The following BCAT1 variants were observed in gnomAD, a reference collection of about 807,000 sequenced individuals.
The protein encoded by BCAT1 is branched chain amino acid transaminase 1.
In BCAT1, 48 loss-of-function variants were observed where a neutral mutation model predicts 52.4. That is an observed-to-expected ratio of 0.92 (90% CI 0.73 to 1.16). BCAT1 has a LOEUF of 1.16. Among genes scored for constraint, BCAT1 ranks in the 50% most tolerant of loss-of-function variants. The pLI is 0.00. For synonymous variants in BCAT1, 167 were observed against 161.3 expected (o/e 1.04, Z -0.27); for missense variants, 451 against 457.1 (o/e 0.99, Z 0.12).
chr12:24,869,613 G>A (rs866966296), intron 5 of BCAT1, among the ~76,000 whole-genome samples: 17 of 152,116 alleles, frequency 1.1e-4, no homozygotes, highest in Non-Finnish European at 1.6e-4. Context: ...TCAACTCCTA[G>A]GTAAATACCA....
chr12:24,853,600 A>AT (rs112717689), intron 5 of BCAT1, among the ~76,000 whole-genome samples: 55 of 152,208 alleles, frequency 3.6e-4, no homozygotes, highest in African/African-American at 9.6e-4. Flanking sequence ...TCTCACATAA[A>AT]TTTTTTTTAA....
chr12:24,873,279 AGTAGTTTAGAGCCCTCCAGACT>A (rs1449683164), intron 5 of BCAT1, among the ~76,000 whole-genome samples: 1 of 152,250 alleles, frequency 6.6e-6, no homozygotes, highest in Non-Finnish European at 1.5e-5. Flanking sequence ...TGTAATCAGC[AGTAGTTTAGAGCCCTCCAGACT>A]GTAGTTTCTC....
chr12:24,902,006 A>C lies in BCAT1; in HGVS notation c.7-121T>G, dbSNP rs759717379. ...TCTCCAGGACCCAGGCAAACACAAA[A>C]AAGGAGGCTCAGACAACCAAGCACC... On this transcript the variant is annotated intron_variant, in intron 1 of 10. Transcript: ENST00000261192. The C allele has an allele frequency of 5.7e-6, 9 of 1,592,568 alleles. No homozygotes were observed. The Admixed American group carries it at 1.6e-4, about 28-fold the overall frequency.
intron 7 of BCAT1, among the ~76,000 whole-genome samples, chr12:24,838,647 CACCCAGAACTGTA>C (rs1261207581): frequency 6.6e-6 from 1 of 152,152 alleles, no homozygotes; most frequent in Non-Finnish European, 1.5e-5. Flanking sequence ...ACATGTTTAA[CACCCAGAACTGTA>C]ACCACTAGCC....
chr12:24,930,444 C>G (rs1591885084), intron 1 of BCAT1, among the ~76,000 whole-genome samples: 2 of 152,198 alleles, frequency 1.3e-5, no homozygotes, highest in Admixed American at 6.5e-5. Flanking sequence ...ACTGAAGACC[C>G]CTCTCTTGAC....
chr12:24,888,335 C>T (rs1246530259), intron 3 of BCAT1, among the ~76,000 whole-genome samples: 2 of 152,058 alleles, frequency 1.3e-5, no homozygotes, highest in African/African-American at 4.8e-5. Flanking sequence ...CCTGTCTCTA[C>T]TAAAAATACA....
chr12:24,934,619 T>A (rs1041670246), intron 1 of BCAT1, among the ~76,000 whole-genome samples: 1 of 152,192 alleles, frequency 6.6e-6, no homozygotes, highest in Non-Finnish European at 1.5e-5. Flanking sequence ...AGTGGTGCGA[T>A]CTTGGCTCAC....
chr12:24,904,169 G>A (rs577122295), intron 1 of BCAT1: 1 of 152,416 alleles, frequency 6.6e-6, no homozygotes, highest in Non-Finnish European at 1.5e-5. Flanking sequence ...AGCGGCGAGT[G>A]TCCCTGGAAG....
intron 1 of BCAT1, among the ~76,000 whole-genome samples, chr12:24,915,338 A>C (rs1943390755): frequency 6.6e-6 from 1 of 152,248 alleles, no homozygotes; most frequent in African/African-American, 2.4e-5. Context: ...ACAAAAGCAA[A>C]GATCAAGAAA....
chr12:24,901,889 A>T lies in BCAT1; in HGVS notation c.7-4T>A, dbSNP rs1943113960. ...CGGAGCATCCGTTACTGCAATCCTT[A>T]AAGAAGAATTAAACCACCATTAAGT... On this transcript the variant is annotated splice_region_variant and splice_polypyrimidine_tract_variant and intron_variant, in intron 1 of 10. Coordinates refer to ENST00000261192, the MANE Select transcript of BCAT1 (RefSeq NM_005504.7). 6.2e-7 allele frequency: 1 copy of T among 1,613,380 alleles called. No individual in the cohort carries two copies. Among genetic ancestry groups the T allele is most frequent in the South Asian group, 1.1e-5 (1 of 91,038 alleles).
rs145932718 is a variant in BCAT1 at position 24,942,473 on chromosome 12, G to A, written c.6+6454C>T. Among the ~76,000 whole-genome samples, 184 of 151,936 alleles carry A rather than the reference G, an allele frequency of 1.2e-3. 1 individual carries two copies. The highest frequency in any genetic ancestry group is 4.4e-3 in the African/African-American group (182 of 41,394). On this transcript the variant is annotated intron_variant, in intron 1 of 10. Coordinates refer to ENST00000261192, the MANE Select transcript of BCAT1 (RefSeq NM_005504.7). ...GCAGGAGAATTGCTTGAACCCGGGA[G>A]GCAGAGGTTGCAGTGAGCCAAAATC...
At position 24,927,670 on chromosome 12, in the gene BCAT1, AAAG is replaced by A. The variant is rs1222090893; in HGVS notation, c.6+21254_6+21256del. 7.9e-5 allele frequency among the ~76,000 whole-genome samples: 12 copies of A among 152,370 alleles called. No individual in the cohort carries two copies. The South Asian group carries it at 1.9e-3, about 24-fold the overall frequency. On this transcript the variant is annotated intron_variant, in intron 1 of 10. Coordinates refer to ENST00000261192, the MANE Select transcript of BCAT1 (RefSeq NM_005504.7). ...AGAAAGAACTGAAACTGTATTGCACAAAGAAGGAGATACTGATGAGAAGCCACC... is the reference window on the plus strand; with the variant it reads ...AGAAAGAACTGAAACTGTATTGCACAAAGGAGATACTGATGAGAAGCCACC...
chr12:24,817,913 A>T lies in BCAT1; in HGVS notation c.*95T>A. ...ACTACAAACTACATTATGCACAGGT[A>T]GCCAAAGAAATCTATCACAATTCAA... On this transcript the variant is annotated 3_prime_UTR_variant, in exon 11 of 11. Coordinates refer to ENST00000261192, the MANE Select transcript of BCAT1 (RefSeq NM_005504.7). The T allele has an allele frequency of 7.6e-7, 1 of 1,316,130 alleles. No homozygotes were observed. 81.5% of individuals were successfully genotyped at this position (1,316,130 alleles called of 1,614,324 possible).
intron 1 of BCAT1, chr12:24,902,836 C>T: frequency 2.1e-6 from 3 of 1,412,832 alleles, no homozygotes; most frequent in Admixed American, 2.4e-5. Context: ...GAGGGCAAGG[C>T]GAAGGAGGAT....
intron 5 of BCAT1, among the ~76,000 whole-genome samples, chr12:24,864,199 T>G (rs1403900630): frequency 3.9e-5 from 6 of 152,172 alleles, no homozygotes. Context: ...ACAGGATGGT[T>G]ATTATCGCAC....
intron 5 of BCAT1, among the ~76,000 whole-genome samples, chr12:24,860,519 T>C (rs1480807493): frequency 6.6e-6 from 1 of 152,250 alleles, no homozygotes; most frequent in Non-Finnish European, 1.5e-5. Flanking sequence ...TGAGTATTCT[T>C]AACTTATGGC....
chr12:24,905,954 GAAAC>G (rs1314785578), intron 1 of BCAT1, among the ~76,000 whole-genome samples: 3 of 151,138 alleles, frequency 2.0e-5, no homozygotes, highest in African/African-American at 7.3e-5. Flanking sequence ...GAAGTGGAGA[GAAAC>G]AGCCAGATTT....
intron 2 of BCAT1, among the ~76,000 whole-genome samples, chr12:24,897,715 G>A (rs1018977233): frequency 3.3e-5 from 5 of 152,042 alleles, no homozygotes; most frequent in East Asian, 1.9e-4. Context: ...CACAACACCC[G>A]GCTAAGTTTT....
intron 5 of BCAT1, among the ~76,000 whole-genome samples, chr12:24,865,223 T>C (rs183256592): frequency 6.6e-6 from 1 of 152,210 alleles, no homozygotes; most frequent in African/African-American, 2.4e-5. Context: ...AGTACCTACA[T>C]GCATGACTGT....
Sources: allele counts gnomAD v4.1 joint callset (sites outside exome capture counted in the v4.1 genomes callset), GRCh38; gene constraint gnomAD v4.1.1; transcripts MANE v1.5; gene names NCBI Gene and HGNC (gene_info 2026-07-23, HGNC 2026-07-21).